Variants in FUBP3 observed in about 807,000 individuals in gnomAD.
The protein encoded by FUBP3 is far upstream element-binding protein 3.
FUBP3 carries 28 observed loss-of-function variants against 85.6 expected under a neutral mutation model. That is an observed-to-expected ratio of 0.33 (90% CI 0.24 to 0.45). FUBP3 has a LOEUF of 0.45. FUBP3 is among the 20% of genes least tolerant of loss of function. The pLI, the probability that FUBP3 is intolerant of heterozygous loss-of-function variation, is 1.00. For missense variants in FUBP3, 583 were observed against 755.1 expected (o/e 0.77, Z 2.67); for synonymous variants, 271 against 271.4 (o/e 1.00, Z 0.01).
At chr9:130,613,338 A>G (rs909177513) in intron 5 of FUBP3, among the ~76,000 whole-genome samples, 1 of 152,220 alleles carries the variant, frequency 6.6e-6, no homozygotes, top group Non-Finnish European at 1.5e-5. Context: ...ACATAGTGGC[A>G]TAGTGGGGCC....
chr9:130,602,907 C>T (rs569209901), intron 2 of FUBP3, among the ~76,000 whole-genome samples: 1 of 152,108 alleles, frequency 6.6e-6, no homozygotes, highest in Non-Finnish European at 1.5e-5. Context: ...AGGTTATGCC[C>T]TTCCTGCCAC....
intron 2 of FUBP3, among the ~76,000 whole-genome samples, chr9:130,599,156 A>T (rs1418730639): frequency 6.6e-6 from 1 of 152,022 alleles, no homozygotes; most frequent in South Asian, 2.1e-4. Flanking sequence ...GCTGGATGTC[A>T]TGGCACGCGC....
rs1830467764 is a variant in FUBP3 at position 130,637,840 on chromosome 9, CTT to C, written c.*821_*822del. 4 of 152,582 alleles carry C rather than the reference CTT, an allele frequency of 2.6e-5. No individual in the cohort carries two copies. Among genetic ancestry groups the C allele is most frequent in the South Asian group, 4.2e-4 (2 of 4,816 alleles). The allele number at this position is 152,582 out of a possible 1,614,324, so 9.5% of individuals were successfully genotyped here. ...TTTAATATTAAGAAATTCAATATAA[CTT>C]TTAACACACACTGTGGAACATTAAA... is the stretch of plus-strand genomic sequence containing the variant. On this transcript the variant is annotated 3_prime_UTR_variant, in exon 19 of 19. Coordinates refer to ENST00000319725, the MANE Select transcript of FUBP3 (RefSeq NM_003934.2).
intron 8 of FUBP3, among the ~76,000 whole-genome samples, chr9:130,619,324 T>A (rs1588149859): frequency 6.6e-6 from 1 of 151,240 alleles, no homozygotes; most frequent in East Asian, 1.9e-4. Context: ...TTTTTTCATT[T>A]AGGAGATGGA....
chr9:130,621,203 G>T (rs1021985878), intron 9 of FUBP3, among the ~76,000 whole-genome samples: 1 of 152,194 alleles, frequency 6.6e-6, no homozygotes, highest in Non-Finnish European at 1.5e-5. Context: ...AACCGCTAGG[G>T]CTATGCATGG....
rs1255846588 is a variant in FUBP3 at position 130,611,582 on chromosome 9, C to T, written c.225-874C>T. The stretch of plus-strand genomic sequence containing the variant: ...GATGCACTTTCCCTAAAAATATGCA[C>T]TTATTCAATCCTTTCTGTGATGGGT... On this transcript the variant is annotated intron_variant, in intron 3 of 18. Coordinates refer to ENST00000319725, the MANE Select transcript of FUBP3 (RefSeq NM_003934.2). 2.0e-5 allele frequency among the ~76,000 whole-genome samples: 3 copies of T among 151,344 alleles called. No homozygotes were observed. In the East Asian group the frequency reaches 5.8e-4, roughly 29 times the overall value.
intron 2 of FUBP3, chr9:130,596,548 C>A: frequency 4.8e-6 from 1 of 208,830 alleles, no homozygotes; most frequent in South Asian, 5.4e-5. Context: ...GATGGGATCA[C>A]ACTCTGCTCA....
chr9:130,630,902 T>A, intron 13 of FUBP3, 114 bp downstream of exon 13: 1 of 823,644 alleles, frequency 1.2e-6, no homozygotes, highest in Non-Finnish European at 1.7e-6. Flanking sequence ...GGTTCTCACA[T>A]CACACGAGGG....
rs1276718719 is a variant in FUBP3 at position 130,635,417 on chromosome 9, T to A, written c.1583-582T>A. Among the ~76,000 whole-genome samples, 2 of 152,174 alleles carry A rather than the reference T, an allele frequency of 1.3e-5. No individual in the cohort carries two copies. Among genetic ancestry groups the A allele is most frequent in the African/African-American group, 2.4e-5 (1 of 41,442 alleles). On this transcript the variant is annotated intron_variant, in intron 17 of 18. Coordinates refer to ENST00000319725, the MANE Select transcript of FUBP3 (RefSeq NM_003934.2). This position sits in a 1 kb window ranked among gnomAD's most constrained non-coding sequence, Gnocchi z 4.3. ...GTGCCTTGTGTTTGGAGGATGTTTC[T>A]TGCTGGTTGGAAGAGATCGGGTTGA... is the stretch of plus-strand genomic sequence containing the variant.
intron 11 of FUBP3, among the ~76,000 whole-genome samples, chr9:130,624,195 G>T (rs1000302471): frequency 1.3e-5 from 2 of 152,210 alleles, no homozygotes; most frequent in Non-Finnish European, 2.9e-5. Flanking sequence ...GGATACATTT[G>T]AGAATGACCA....
chr9:130,630,059 G>A (rs928071171), intron 12 of FUBP3, among the ~76,000 whole-genome samples: 5 of 152,032 alleles, frequency 3.3e-5, no homozygotes, highest in East Asian at 3.9e-4. Flanking sequence ...TGTGTAGACC[G>A]TCACCCCATG....
rs1002414349 is a variant in FUBP3, at chr9:130,612,946, T to C, written c.275-10T>C. 4.4e-6 allele frequency: 7 copies of C among 1,601,536 alleles called. No homozygotes were observed. In the Admixed American group the frequency reaches 8.3e-5, roughly 19 times the overall value. ...GGGCGTGTATTCTGACCCTGTTCAATTTGTTTCAGTTATCGGCAGGGGAGG... is the reference window on the plus strand; with the variant it reads ...GGGCGTGTATTCTGACCCTGTTCAACTTGTTTCAGTTATCGGCAGGGGAGG... On this transcript the variant is annotated splice_polypyrimidine_tract_variant and intron_variant, in intron 4 of 18. Coordinates refer to ENST00000319725, the MANE Select transcript of FUBP3 (RefSeq NM_003934.2). This position sits in a 1 kb window ranked among gnomAD's most constrained non-coding sequence, Gnocchi z 4.1.
intron 12 of FUBP3, among the ~76,000 whole-genome samples, chr9:130,628,714 C>T (rs1282800357): frequency 6.6e-6 from 1 of 152,050 alleles, no homozygotes; most frequent in Non-Finnish European, 1.5e-5. Context: ...AGGGTTCCCT[C>T]GAGTCTTACG....
intron 16 of FUBP3, among the ~76,000 whole-genome samples, chr9:130,632,618 C>T (rs1477863593): frequency 6.6e-6 from 1 of 152,252 alleles, no homozygotes; most frequent in Non-Finnish European, 1.5e-5. Context: ...TTCTGCTCCT[C>T]CTCTTCTCCA....
intron 13 of FUBP3, 117 bp from the exon 14 acceptor site, chr9:130,631,440 C>G: frequency 7.9e-7 from 1 of 1,259,998 alleles, no homozygotes; most frequent in Non-Finnish European, 1.1e-6. Flanking sequence ...GCGTAGGTGT[C>G]CTTACTTCAC....
At chr9:130,620,603 G>A in intron 9 of FUBP3, 145 bp downstream of exon 9, 1 of 467,538 alleles carries the variant, frequency 2.1e-6, no homozygotes, top group Non-Finnish European at 3.8e-6. Flanking sequence ...GGGTGGGTGT[G>A]AGGGTGGACT....
At chr9:130,632,501 C>T (rs558317724) in intron 16 of FUBP3, among the ~76,000 whole-genome samples, 155 of 152,326 alleles carry the variant, frequency 1.0e-3, no homozygotes, top group African/African-American at 3.4e-3. Flanking sequence ...AAACCTCAGG[C>T]GGGCTGGGGA....
At chr9:130,587,229 T>G (rs1426406524) in intron 1 of FUBP3, among the ~76,000 whole-genome samples, 4 of 151,858 alleles carry the variant, frequency 2.6e-5, no homozygotes, top group Non-Finnish European at 5.9e-5. Context: ...CACGCCTAGC[T>G]AATTTTTGTA....
intron 1 of FUBP3, 33 bp downstream of exon 1, chr9:130,579,797 A>G: frequency 8.2e-7 from 1 of 1,226,012 alleles, no homozygotes; most frequent in Non-Finnish European, 1.0e-6. Context: ...GGAGCACGAG[A>G]TCCCGAGGCG....
Sources: gnomAD v4.1 joint callset for allele counts (sites outside exome capture counted in the v4.1 genomes callset) on GRCh38, gnomAD v4.1.1 for gene constraint, Gnocchi (gnomAD v3.1) non-coding constraint, MANE v1.5 for transcripts, NCBI Gene and HGNC (gene_info 2026-07-23, HGNC 2026-07-21) for gene names.